Variants in NDEL1 observed in about 807,000 individuals in gnomAD.
The protein encoded by NDEL1 is nudE neurodevelopment protein 1 like 1.
Under a neutral mutation model 45.7 loss-of-function variants are expected in NDEL1, and 9 were observed. The observed-to-expected ratio is 0.20, with a 90% CI of 0.12 to 0.34. The LOEUF (loss-of-function observed/expected upper bound fraction) is 0.34. Ranked by LOEUF, NDEL1 falls within the 10% of genes least tolerant of loss-of-function variation. NDEL1 has a pLI of 1.00. For synonymous variants in NDEL1, 133 were observed against 158.6 expected (o/e 0.84, Z 1.21); for missense variants, 306 against 406.2 (o/e 0.75, Z 2.12).
rs765394640 is a variant in NDEL1, at chr17:8,466,996, G to A, written c.1011G>A (p.Ala337=). ...TGGGCTCCTCGCGTCCATCGTCAGC[G>A]CCGGGTATGCTGCCTCTCAGTGTGT... ...PGLGSSRPSS[A]PGMLPLSV is the part of the protein sequence containing the mutation. Residue 337 remains alanine (A), a synonymous_variant, in exon 9 of 9, where the codon GCG becomes GCA. Transcript: ENST00000334527. 6 of 1,613,954 alleles carry A rather than the reference G, an allele frequency of 3.7e-6. No individual in the cohort carries two copies. The South Asian group carries it at 4.4e-5, about 12-fold the overall frequency.
At chr17:8,435,645 C>G (rs1909236265), upstream of NDEL1, among the ~76,000 whole-genome samples, 1 of 152,222 alleles carries the variant, frequency 6.6e-6, no homozygotes, top group Non-Finnish European at 1.5e-5. Context: ...ACCACTCTCC[C>G]GAATAGCAGT....
chr17:8,429,388 G>A (rs1490868138), intron 1 of NDEL1, among the ~76,000 whole-genome samples: 4 of 152,192 alleles, frequency 2.6e-5, no homozygotes, highest in Admixed American at 2.0e-4. Flanking sequence ...GGGGGAGATT[G>A]GACATCTCTG....
intron 6 of NDEL1, among the ~76,000 whole-genome samples, chr17:8,452,230 GTTTTAC>G (rs999459919): frequency 8.5e-5 from 13 of 152,180 alleles, no homozygotes; most frequent in Non-Finnish European, 1.8e-4. Context: ...GACTAACAAA[GTTTTAC>G]TTTTATGTTA....
chr17:8,438,458 A>G (rs1032793056), intron 1 of NDEL1, among the ~76,000 whole-genome samples: 13 of 152,178 alleles, frequency 8.5e-5, no homozygotes, highest in African/African-American at 3.1e-4. Context: ...AGCCCCTGAA[A>G]CTGTCGTTTG....
intron 1 of NDEL1, among the ~76,000 whole-genome samples, chr17:8,419,595 A>T (rs1325805399): frequency 6.6e-6 from 1 of 152,194 alleles, no homozygotes; most frequent in Non-Finnish European, 1.5e-5. Flanking sequence ...TATTGGGTTA[A>T]AATTTTGATT....
Position 8,467,015 on chromosome 17 carries a change from A to G in NDEL1, c.1030A>G (p.Ser344Gly), listed in dbSNP as rs759200381. 6.2e-7 allele frequency: 1 copy of G among 1,613,950 alleles called. No homozygotes were observed. The highest frequency in any genetic ancestry group is 8.5e-7 in the Non-Finnish European group (1 of 1,179,982). Reference protein sequence around the residue: ...PSSAPGMLPLSV With the variant: ...PSSAPGMLPLGV ...GTCAGCGCCGGGTATGCTGCCTCTC[A>G]GTGTGTGAGTGCCTAGCCTCCAGGT... The change falls in exon 9 of 9, where the codon AGT becomes GGT. Residue 344 changes from serine to glycine, a missense_variant. By Grantham distance (56) the Ser-to-Gly change is moderately conservative (BLOSUM62 0). Transcript: ENST00000334527. This position sits in a 1 kb window ranked among gnomAD's most constrained non-coding sequence, Gnocchi z 6.3.
At chr17:8,414,813 C>A (rs536843729) in intron 1 of NDEL1, among the ~76,000 whole-genome samples, 1 of 152,124 alleles carries the variant, frequency 6.6e-6, no homozygotes, top group Non-Finnish European at 1.5e-5. Context: ...AGCCACTGTA[C>A]CTTCATTTGC....
At chr17:8,431,202 G>A (rs1475118016), upstream of NDEL1, 1 of 152,360 alleles carries the variant, frequency 6.6e-6, no homozygotes, top group African/African-American at 2.4e-5. Context: ...CTTGGGATAG[G>A]ACTGTTTTGT....
rs1911109018 is a variant in NDEL1, at chr17:8,460,168, C to A, written c.944+8C>A. The A allele has an allele frequency of 6.2e-7, 1 of 1,606,518 alleles. No homozygotes were observed. Among genetic ancestry groups the A allele is most frequent in the Non-Finnish European group, 8.5e-7 (1 of 1,177,374 alleles). On this transcript the variant is annotated splice_region_variant and intron_variant, in intron 8 of 8. Coordinates refer to ENST00000334527, the MANE Select transcript of NDEL1 (RefSeq NM_030808.5). ...ATCTTTCTTCGACAAAGGGTAAGTCCTGAATGTTTTAAGTGATAATTTTTT... is the reference window on the plus strand; with the variant it reads ...ATCTTTCTTCGACAAAGGGTAAGTCATGAATGTTTTAAGTGATAATTTTTT...
intron 1 of NDEL1, among the ~76,000 whole-genome samples, chr17:8,441,706 G>A (rs1475212426): frequency 6.6e-6 from 1 of 151,778 alleles, no homozygotes; most frequent in African/African-American, 2.4e-5. Flanking sequence ...TCTGTTCTAT[G>A]GGATTCCTTA....
At chr17:8,452,669 C>CTCTT (rs545929487) in intron 6 of NDEL1, among the ~76,000 whole-genome samples, 96 of 149,916 alleles carry the variant, frequency 6.4e-4, no homozygotes, top group Non-Finnish European at 8.6e-4. Flanking sequence ...ATGTTTGTTT[C>CTCTT]TCTTTCTTTC....
downstream of NDEL1, among the ~76,000 whole-genome samples, chr17:8,469,780 T>G (rs1390272400): frequency 6.6e-6 from 1 of 151,514 alleles, no homozygotes; most frequent in Non-Finnish European, 1.5e-5. Context: ...CTTGGCTCAC[T>G]GTAACCTCCA....
intron 4 of NDEL1, among the ~76,000 whole-genome samples, chr17:8,447,982 C>CGGGGGGGGGAGGGGGG (rs1910198910): frequency 9.3e-6 from 1 of 107,714 alleles, no homozygotes; most frequent in Non-Finnish European, 1.9e-5. Context: ...GGGAGGTGGG[C>CGGGGGGGGGAGGGGGG]GGGGGGGGGG....
chr17:8,447,576 G>A (rs1459118086), intron 4 of NDEL1, among the ~76,000 whole-genome samples: 1 of 152,052 alleles, frequency 6.6e-6, no homozygotes, highest in East Asian at 1.9e-4. Context: ...TCCTCTAGCT[G>A]ATATATCTTT....
chr17:8,459,342 G>A (rs139344288), intron 7 of NDEL1, among the ~76,000 whole-genome samples: 2 of 152,272 alleles, frequency 1.3e-5, no homozygotes, highest in East Asian at 3.9e-4. Flanking sequence ...GTAGAGCCCT[G>A]TGCTTGCCAG....
upstream of NDEL1, among the ~76,000 whole-genome samples, chr17:8,434,464 G>A (rs1333232261): frequency 6.6e-6 from 1 of 152,060 alleles, no homozygotes; most frequent in South Asian, 2.1e-4. Context: ...TGATTTGCCC[G>A]CCTCGGCTTC....
upstream of NDEL1, among the ~76,000 whole-genome samples, chr17:8,433,513 A>G (rs527358158): frequency 2.6e-4 from 39 of 151,926 alleles, no homozygotes; most frequent in Non-Finnish European, 4.4e-4. Context: ...CCATTTTTCC[A>G]CCCAGGCTTC....
intron 6 of NDEL1, among the ~76,000 whole-genome samples, chr17:8,451,776 G>T (rs1910518845): frequency 6.6e-6 from 1 of 151,642 alleles, no homozygotes; most frequent in Non-Finnish European, 1.5e-5. Flanking sequence ...ATCCCCCCTT[G>T]CTTTTTTTTT....
chr17:8,428,340 G>A (rs2151697684), intron 1 of NDEL1, among the ~76,000 whole-genome samples: 1 of 93,694 alleles, frequency 1.1e-5, no homozygotes. Context: ...GTGTGTGTGT[G>A]TGTGTGTGTG....
Sources: allele counts gnomAD v4.1 joint callset (sites outside exome capture counted in the v4.1 genomes callset), GRCh38; gene constraint gnomAD v4.1.1; non-coding constraint Gnocchi (gnomAD v3.1); transcripts MANE v1.5; gene names NCBI Gene and HGNC (gene_info 2026-07-23, HGNC 2026-07-21).